CLEC7A: variants seen among roughly 807,000 people sequenced by gnomAD.
The protein encoded by CLEC7A is C-type lectin domain family 7 member A.
Under a neutral mutation model 26.9 loss-of-function variants are expected in CLEC7A, and 25 were observed. The observed-to-expected ratio is 0.93, with a 90% CI of 0.68 to 1.30. CLEC7A has a LOEUF of 1.30. Among genes scored for constraint, CLEC7A ranks in the 50% most tolerant of loss-of-function variants. The pLI is 0.00. For synonymous variants in CLEC7A, 100 were observed against 99.5 expected (o/e 1.01, Z -0.03); for missense variants, 275 against 286.7 (o/e 0.96, Z 0.29).
chr12:10,129,940 G>T (rs749498532), intron 1 of CLEC7A, 40 bp downstream of exon 1: 2 of 1,186,932 alleles, frequency 1.7e-6, no homozygotes, highest in Admixed American at 3.5e-5. Flanking sequence ...TTTTCAAACG[G>T]GAGAGCTAAA....
rs150006360 is a variant in CLEC7A, at chr12:10,130,023, G to A, written c.60C>T (p.Phe20=). 23 of 1,611,192 alleles carry A rather than the reference G, an allele frequency of 1.4e-5. No homozygotes were observed. The highest frequency in any genetic ancestry group is 9.9e-5 in the South Asian group (9 of 90,998). ...LDEDGYTQLH[F]DSQSNTRIAV... is the part of the protein sequence containing the mutation. Reference sequence around the variant, plus strand: ...CTATCCTGGTATTGCTTTGAGAGTCGAAGTGTAATTGAGTATATCCATCTT... The same window carrying A: ...CTATCCTGGTATTGCTTTGAGAGTCAAAGTGTAATTGAGTATATCCATCTT... The change falls in exon 1 of 6, where the codon TTC becomes TTT. Residue 20 remains phenylalanine, a synonymous_variant. Coordinates refer to ENST00000304084, the MANE Select transcript of CLEC7A (RefSeq NM_197947.3).
chr12:10,123,394 AAGAG>A (rs748416724), intron 4 of CLEC7A, 31 bp from the exon 5 acceptor site: 124 of 1,080,820 alleles, frequency 1.1e-4, no homozygotes, highest in Admixed American at 6.0e-4. Context: ...ATATATAATA[AAGAG>A]AGAGAGAGAG....
intron 5 of CLEC7A, among the ~76,000 whole-genome samples, chr12:10,121,276 GAAAA>G (rs59904538): frequency 7.1e-6 from 1 of 140,730 alleles, no homozygotes; most frequent in East Asian, 2.1e-4. Context: ...CAAATGAACA[GAAAA>G]AAAAAACAGA....
chr12:10,118,623 A>T, intron 5 of CLEC7A, 33 bp from the exon 6 acceptor site: 1 of 1,591,168 alleles, frequency 6.3e-7, no homozygotes, highest in Non-Finnish European at 8.6e-7. Flanking sequence ...GGTAATTAGA[A>T]CAAATGTTAA....
In CLEC7A at chr12:10,117,548, A is replaced by AG. The variant is rs1298380634; in HGVS notation, c.*909_*910insC. The AG allele has an allele frequency of 6.6e-6, 1 of 151,862 alleles. No homozygotes were observed. Among genetic ancestry groups the AG allele is most frequent in the African/African-American group, 2.4e-5 (1 of 41,290 alleles). The allele number at this position is 151,862 out of a possible 1,614,324, so 9.4% of individuals were successfully genotyped here. A position where few individuals can be genotyped will look rare whatever the true frequency, so the allele number is the denominator to read the frequency against. On this transcript the variant is annotated 3_prime_UTR_variant, in exon 6 of 6. Transcript: ENST00000304084. ...TCTGTCTCAAAAAAAAAAAAAAAAA[A>AG]AAAGATTCTATTAGAGATATGGCAG... is the stretch of plus-strand genomic sequence containing the variant.
At position 10,127,506 on chromosome 12, in the gene CLEC7A, A is replaced by C. The variant is rs1370841179; in HGVS notation, c.202+241T>G. The C allele has an allele frequency of 3.4e-6, 5 of 1,490,942 alleles. No homozygotes were observed. The African/African-American group carries it at 6.9e-5, about 21-fold the overall frequency. The allele number at this position is 1,490,942 out of a possible 1,614,324, so 92.4% of individuals were successfully genotyped here. A position where few individuals can be genotyped will look rare whatever the true frequency, so the allele number is the denominator to read the frequency against. Reference sequence around the variant, plus strand: ...ATGAGTTTTTTAGACAGATCACCCAAATTTCTAATCATGGTCCCACCACTA... The same window carrying C: ...ATGAGTTTTTTAGACAGATCACCCACATTTCTAATCATGGTCCCACCACTA... On this transcript the variant is annotated intron_variant, in intron 2 of 5. Coordinates refer to ENST00000304084, the MANE Select transcript of CLEC7A (RefSeq NM_197947.3).
rs1947954982 is a variant in CLEC7A at position 10,117,739 on chromosome 12, C to T, written c.*719G>A. On this transcript the variant is annotated 3_prime_UTR_variant, in exon 6 of 6. Coordinates refer to ENST00000304084, the MANE Select transcript of CLEC7A (RefSeq NM_197947.3). ...CATTTAGCTATTCAGAAATATATTT[C>T]ACCCTCAGTTCATAACTGATATACT... 3.9e-5 allele frequency: 6 copies of T among 152,068 alleles called. No individual in the cohort carries two copies. The highest frequency in any genetic ancestry group is 8.8e-5 in the Non-Finnish European group (6 of 68,016). 9.4% of individuals were successfully genotyped at this position (152,068 alleles called of 1,614,324 possible).
chr12:10,126,052 T>C (rs1446162478), intron 3 of CLEC7A: 1 of 351,920 alleles, frequency 2.8e-6, no homozygotes, highest in Non-Finnish European at 4.0e-6. Flanking sequence ...GTAAATGAAA[T>C]TGTATGATTA....
chr12:10,128,243 CA>C (rs1486460336), intron 1 of CLEC7A, among the ~76,000 whole-genome samples: 2,006 of 127,470 alleles, frequency 0.016, 17 homozygotes, highest in African/African-American at 0.034. Context: ...CACACACACA[CA>C]CACCACCAAC....
intron 1 of CLEC7A, among the ~76,000 whole-genome samples, chr12:10,128,048 CAA>C (rs35949285): frequency 7.3e-6 from 1 of 136,472 alleles, no homozygotes; most frequent in Admixed American, 7.3e-5. Flanking sequence ...CTGTCCCTAC[CAA>C]AAAAAAAAAA....
chr12:10,126,086 G>T, intron 3 of CLEC7A: 2 of 654,560 alleles, frequency 3.1e-6, no homozygotes, highest in Non-Finnish European at 3.8e-6. Flanking sequence ...AGTTTTCAGG[G>T]ACATGTGTAT....
intron 1 of CLEC7A, among the ~76,000 whole-genome samples, chr12:10,128,271 A>G (rs1343592086): frequency 2.0e-5 from 3 of 151,572 alleles, no homozygotes; most frequent in Non-Finnish European, 2.9e-5. Flanking sequence ...AACAAAAAAT[A>G]CTGGCAAATT....
rs1351907461 is a variant in CLEC7A, at chr12:10,117,899, A to G, written c.*559T>C. 1 of 152,716 alleles carries G rather than the reference A, an allele frequency of 6.5e-6. No individual in the cohort carries two copies. The highest frequency in any genetic ancestry group is 2.4e-5 in the African/African-American group (1 of 41,452). 9.5% of individuals were successfully genotyped at this position (152,716 alleles called of 1,614,324 possible). A position where few individuals can be genotyped will look rare whatever the true frequency, so the allele number is the denominator to read the frequency against. On this transcript the variant is annotated 3_prime_UTR_variant, in exon 6 of 6. Transcript: ENST00000304084. ...CCAAGGTAAATGCCAAGTCAATGGC[A>G]GAATGAAAATTCAAGCTTGGGGCCA... is the stretch of plus-strand genomic sequence containing the variant.
rs71860807 is a variant in CLEC7A, at chr12:10,128,207, AACACACACACACACAC to A, written c.104-378_104-363del. 5.3e-5 allele frequency among the ~76,000 whole-genome samples: 7 copies of A among 132,864 alleles called. 1 individual carries two copies. Among genetic ancestry groups the A allele is most frequent in the East Asian group, 2.1e-4 (1 of 4,710 alleles). The allele number at this position is 132,864 out of a possible 152,430, so 87.2% of individuals were successfully genotyped here. A position where few individuals can be genotyped will look rare whatever the true frequency, so the allele number is the denominator to read the frequency against. ...AGGCAAAAAAGTGATACCCTGTTAA[AACACACACACACACAC>A]ACACACACACACACACACACACACC... On this transcript the variant is annotated intron_variant, in intron 1 of 5. Transcript: ENST00000304084.
rs767605390 is a variant in CLEC7A, at chr12:10,130,034, G to T, written c.49C>A (p.Gln17Lys). The T allele has an allele frequency of 4.3e-6, 7 of 1,610,952 alleles. No homozygotes were observed. The African/African-American group carries it at 9.4e-5, about 22-fold the overall frequency. The change falls in exon 1 of 6, where the codon CAA becomes AAA. Residue 17 changes from glutamine to lysine, a missense_variant. Physicochemically the swap from Gln to Lys is moderately conservative, Grantham distance 53 (BLOSUM62 1). Transcript: ENST00000304084. ...LENLDEDGYT[Q>K]LHFDSQSNTR... Reference sequence around the variant, plus strand: ...TTGCTTTGAGAGTCGAAGTGTAATTGAGTATATCCATCTTCATCCAAATTT... The same window carrying T: ...TTGCTTTGAGAGTCGAAGTGTAATTTAGTATATCCATCTTCATCCAAATTT...
chr12:10,129,486 T>C (rs573433863), intron 1 of CLEC7A, among the ~76,000 whole-genome samples: 1 of 152,354 alleles, frequency 6.6e-6, no homozygotes, highest in South Asian at 2.1e-4. Context: ...TGAATAATTT[T>C]CATGAAAAAA....
In CLEC7A at chr12:10,127,903, C is replaced by T. The variant is rs1286760381; in HGVS notation, c.104-58G>A. The T allele has an allele frequency of 5.1e-6, 6 of 1,179,910 alleles. No homozygotes were observed. In the African/African-American group the frequency reaches 9.3e-5, roughly 18 times the overall value. 73.1% of individuals were successfully genotyped at this position (1,179,910 alleles called of 1,614,324 possible). A position where few individuals can be genotyped will look rare whatever the true frequency, so the allele number is the denominator to read the frequency against. On this transcript the variant is annotated intron_variant, in intron 1 of 5. Transcript: ENST00000304084. ...AGAAAGAGAATGACGGATGGTGGGG[C>T]AGTTTAATTCTACAGTTCATCAAAA... is the stretch of plus-strand genomic sequence containing the variant.
At chr12:10,120,277 G>A (rs1948036681) in intron 5 of CLEC7A, among the ~76,000 whole-genome samples, 1 of 152,180 alleles carries the variant, frequency 6.6e-6, no homozygotes, top group Non-Finnish European at 1.5e-5. Flanking sequence ...TATGAAGCAA[G>A]TATGGCTGAG....
chr12:10,128,617 G>A (rs1331692947), intron 1 of CLEC7A, among the ~76,000 whole-genome samples: 3 of 152,152 alleles, frequency 2.0e-5, no homozygotes, highest in Non-Finnish European at 4.4e-5. Context: ...TTGTGAAACT[G>A]GGGTAATAAT....
Sources: gnomAD v4.1 joint callset for allele counts (sites outside exome capture counted in the v4.1 genomes callset) on GRCh38, gnomAD v4.1.1 for gene constraint, MANE v1.5 for transcripts, NCBI Gene and HGNC (gene_info 2026-07-23, HGNC 2026-07-21) for gene names.